Variants in ATRN observed in about 807,000 individuals in gnomAD.
The protein encoded by ATRN is attractin, also known as attractin-2.
Under a neutral mutation model 178.7 loss-of-function variants are expected in ATRN, and 54 were observed. That is an observed-to-expected ratio of 0.30 (90% confidence interval 0.24 to 0.38). ATRN has a LOEUF of 0.38. ATRN is among the 10% of genes least tolerant of loss of function. The pLI, the probability that ATRN is intolerant of heterozygous loss-of-function variation, is 1.00. For missense variants in ATRN, 1,443 were observed against 1,815.1 expected, an observed-to-expected ratio of 0.79 and a Z score of 3.73; for synonymous variants, 636 against 663.0, an observed-to-expected ratio of 0.96 and a Z score of 0.63.
chr20:3,474,489 C>T lies in ATRN; in HGVS notation c.410+2972C>T, dbSNP rs554125541. 2.0e-3 allele frequency among the ~76,000 whole-genome samples: 293 copies of T among 146,242 alleles called. 1 individual carries two copies. The highest frequency in any genetic ancestry group is 4.1e-3 in the Non-Finnish European group (269 of 66,398). ...TTTGGGAGGCCGAGGCGGTGTATCA[C>T]GAGGTCAGGAGATCGAGACCATCCT... On this transcript the variant is annotated intron_variant, in intron 1 of 28. Transcript: ENST00000262919.
chr20:3,520,090 G>A (rs1021997627), intron 1 of ATRN, among the ~76,000 whole-genome samples: 1 of 152,180 alleles, frequency 6.6e-6, no homozygotes, highest in Admixed American at 6.5e-5. Context: ...ATATCGTAAT[G>A]GATGAGGTTG....
At chr20:3,517,024 A>G (rs2085214400) in intron 1 of ATRN, among the ~76,000 whole-genome samples, 1 of 152,106 alleles carries the variant, frequency 6.6e-6, no homozygotes, top group Non-Finnish European at 1.5e-5. Context: ...GTTGGGTCAA[A>G]TGGTATTTCT....
At chr20:3,493,323 A>ATT (rs140855155) in intron 1 of ATRN, among the ~76,000 whole-genome samples, 2 of 139,796 alleles carry the variant, frequency 1.4e-5, no homozygotes, top group African/African-American at 2.6e-5. Context: ...ACCTGGCTAA[A>ATT]TTTTTTTTTT....
At chr20:3,573,134 A>C (rs1449820568) in intron 12 of ATRN, among the ~76,000 whole-genome samples, 183 bp downstream of exon 12, 1 of 152,240 alleles carries the variant, frequency 6.6e-6, no homozygotes, top group African/African-American at 2.4e-5. Context: ...GGATGGGAAC[A>C]TGCCATGTGG....
chr20:3,576,478 T>C (rs1486177249), intron 13 of ATRN, among the ~76,000 whole-genome samples: 1 of 152,062 alleles, frequency 6.6e-6, no homozygotes, highest in East Asian at 1.9e-4. Flanking sequence ...TCTCATACAG[T>C]TCATAAAATA....
chr20:3,600,564 A>G (rs1411458769), intron 22 of ATRN, among the ~76,000 whole-genome samples: 2 of 152,058 alleles, frequency 1.3e-5, no homozygotes, highest in African/African-American at 4.8e-5. Context: ...CAAGTGTTTT[A>G]TTGGTAGGAG....
At chr20:3,625,716 A>ACTTG (rs1247231880) in intron 25 of ATRN, among the ~76,000 whole-genome samples, 2 of 152,086 alleles carry the variant, frequency 1.3e-5, no homozygotes, top group Non-Finnish European at 2.9e-5. Flanking sequence ...CCCCAAGTGC[A>ACTTG]CTTGTTCCTG....
intron 24 of ATRN, among the ~76,000 whole-genome samples, chr20:3,610,457 C>T (rs1201958119): frequency 6.6e-6 from 1 of 151,930 alleles, no homozygotes; most frequent in Non-Finnish European, 1.5e-5. Flanking sequence ...GACAGGGTCT[C>T]ACTATGATGT....
In ATRN at chr20:3,632,862, G is replaced by A. The variant is rs898682740; in HGVS notation, c.3864-1449G>A. 6.6e-6 allele frequency among the ~76,000 whole-genome samples: 1 copy of A among 152,226 alleles called. No individual in the cohort carries two copies. The highest frequency in any genetic ancestry group is 1.5e-5 in the Non-Finnish European group (1 of 68,040). On this transcript the variant is annotated intron_variant, in intron 25 of 28. Coordinates refer to ENST00000262919, the MANE Select transcript of ATRN (RefSeq NM_139321.3). This position sits in a 1 kb window ranked among gnomAD's most constrained non-coding sequence, Gnocchi z 4.2. ...TTAAAGTATTGATTAAAAAGACAAT[G>A]TAGGCCAGTCACGTGAGGCCTGTAA...
At chr20:3,594,678 C>A in intron 20 of ATRN, 106 bp downstream of exon 20, 1 of 889,832 alleles carries the variant, frequency 1.1e-6, no homozygotes, top group Non-Finnish European at 1.7e-6. Flanking sequence ...TTGCTGTGGG[C>A]TCTGAGGGAT....
Position 3,649,997 on chromosome 20 carries a change from C to G in ATRN, c.*3150C>G, listed in dbSNP as rs191031863. On this transcript the variant is annotated 3_prime_UTR_variant, in exon 29 of 29. Transcript: ENST00000262919. ...GCCTGGGGAGAAGCCTGTGCCTCCCCGTGTGGAGAGAAGGCAACCCCAGAT... is the reference window on the plus strand; with the variant it reads ...GCCTGGGGAGAAGCCTGTGCCTCCCGGTGTGGAGAGAAGGCAACCCCAGAT... 2.0e-5 allele frequency: 3 copies of G among 152,336 alleles called. No individual in the cohort carries two copies. Among genetic ancestry groups the G allele is most frequent in the Admixed American group, 1.3e-4 (2 of 15,288 alleles). The allele number at this position is 152,336 out of a possible 1,614,324, so 9.4% of individuals were successfully genotyped here.
intron 3 of ATRN, among the ~76,000 whole-genome samples, chr20:3,543,074 A>G (rs2085648215): frequency 6.6e-6 from 1 of 152,126 alleles, no homozygotes; most frequent in Non-Finnish European, 1.5e-5. Context: ...TACATCTCCA[A>G]TCAAATGTCA....
Position 3,482,032 on chromosome 20 carries a change from A to T in ATRN, c.410+10515A>T, listed in dbSNP as rs917909983. The stretch of plus-strand genomic sequence containing the variant: ...TAAATTCACAGATCCTTTCACAAAA[A>T]TGTATAATCTTATGGACTCCCGTAG... On this transcript the variant is annotated intron_variant, in intron 1 of 28. Coordinates refer to ENST00000262919, the MANE Select transcript of ATRN (RefSeq NM_139321.3). Among the ~76,000 whole-genome samples, 3 of 151,878 alleles carry T rather than the reference A, an allele frequency of 2.0e-5. No individual in the cohort carries two copies. In the East Asian group the frequency reaches 5.8e-4, roughly 29 times the overall value.
intron 1 of ATRN, among the ~76,000 whole-genome samples, chr20:3,527,946 C>A (rs1050263701): frequency 2.6e-5 from 4 of 152,034 alleles, no homozygotes; most frequent in Non-Finnish European, 4.4e-5. Context: ...GGAGGGACAG[C>A]ATTAGGAGAA....
At chr20:3,495,303 A>C (rs2084863056) in intron 1 of ATRN, among the ~76,000 whole-genome samples, 1 of 152,154 alleles carries the variant, frequency 6.6e-6, no homozygotes, top group Admixed American at 6.6e-5. Context: ...AAAGTTTGTT[A>C]TTGGTTTGGT....
At chr20:3,490,044 C>A (rs1171285260) in intron 1 of ATRN, 3 of 1,092,958 alleles carry the variant, frequency 2.7e-6, no homozygotes, top group Non-Finnish European at 4.2e-6. Context: ...ATTCATAGAT[C>A]TGGGCTTCTA....
intron 1 of ATRN, chr20:3,490,229 T>G: frequency 1.3e-6 from 2 of 1,518,090 alleles, no homozygotes; most frequent in South Asian, 1.1e-5. Flanking sequence ...GAGAGCAGAT[T>G]TCAATCTGTC....
At position 3,492,976 on chromosome 20, in the gene ATRN, A is replaced by T. The variant is rs940951570; in HGVS notation, c.410+21459A>T. Among the ~76,000 whole-genome samples the T allele has an allele frequency of 2.7e-5, 4 of 146,736 alleles. No individual in the cohort carries two copies. The East Asian group carries it at 7.8e-4, about 28-fold the overall frequency. On this transcript the variant is annotated intron_variant, in intron 1 of 28. Transcript: ENST00000262919. ...ATATATAATATAATATACTATATAG[A>T]TAATATATAATTATCTATAATTATG...
At chr20:3,587,544 T>C (rs2086375130) in intron 18 of ATRN, among the ~76,000 whole-genome samples, 1 of 152,046 alleles carries the variant, frequency 6.6e-6, no homozygotes, top group Non-Finnish European at 1.5e-5. Flanking sequence ...ACTGTGAATC[T>C]AGGAACTTTT....
Sources: gnomAD v4.1 joint callset for allele counts (sites outside exome capture counted in the v4.1 genomes callset) on GRCh38, gnomAD v4.1.1 for gene constraint, Gnocchi (gnomAD v3.1) non-coding constraint, MANE v1.5 for transcripts, NCBI Gene and HGNC (gene_info 2026-07-23, HGNC 2026-07-21) for gene names.